Variants in PARL observed in about 807,000 individuals in gnomAD.
PARL encodes the protein presenilin associated rhomboid like, also known as presenilin-associated rhomboid-like protein, mitochondrial.
PARL carries 44 observed loss-of-function variants against 51.6 expected under a neutral mutation model. That is an observed-to-expected ratio of 0.85 (90% CI 0.67 to 1.10). PARL has a LOEUF of 1.10. Among genes scored for constraint, PARL ranks in the 50% least tolerant of loss-of-function variants. The probability of loss-of-function intolerance (pLI) is 0.00; values close to 1 mark genes in which losing one functional copy is unlikely to be tolerated. For synonymous variants in PARL, 172 were observed against 164.0 expected (o/e 1.05, Z -0.37); for missense variants, 441 against 469.5 (o/e 0.94, Z 0.56).
chr3:183,831,006 G>A (rs1356868089), intron 9 of PARL, among the ~76,000 whole-genome samples: 6 of 152,150 alleles, frequency 3.9e-5, no homozygotes, highest in South Asian at 4.2e-4. Flanking sequence ...AGACAGAGTC[G>A]CGCTCTGTTG....
At chr3:183,853,677 T>A (rs1001390656) in intron 4 of PARL, among the ~76,000 whole-genome samples, 1 of 152,100 alleles carries the variant, frequency 6.6e-6, no homozygotes, top group Non-Finnish European at 1.5e-5. Flanking sequence ...GAAAAGATGC[T>A]CAACATCACT....
intron 1 of PARL, among the ~76,000 whole-genome samples, chr3:183,882,324 TA>T (rs1734635784): frequency 2.2e-5 from 3 of 137,748 alleles, no homozygotes; most frequent in East Asian, 4.1e-4. Context: ...TACACACATA[TA>T]TACACATATA....
At chr3:183,873,594 C>A (rs1244483554) in intron 1 of PARL, among the ~76,000 whole-genome samples, 2 of 151,834 alleles carry the variant, frequency 1.3e-5, no homozygotes, top group Admixed American at 6.6e-5. Flanking sequence ...CAAGTTGTAA[C>A]CCAGTAATCT....
In PARL at chr3:183,829,353, C is replaced by A. The variant is rs988822021; in HGVS notation, c.*245G>T. On this transcript the variant is annotated 3_prime_UTR_variant, in exon 10 of 10. Coordinates refer to ENST00000317096, the MANE Select transcript of PARL (RefSeq NM_018622.7). ...AACAACCAAAGCAAAATGCCAGAGC[C>A]GTGTCGGCCCCTTAAAGAGAGAACA... is the stretch of plus-strand genomic sequence containing the variant. 7.4e-7 allele frequency: 1 copy of A among 1,346,502 alleles called. No homozygotes were observed. The highest frequency in any genetic ancestry group is 1.5e-5 in the African/African-American group (1 of 67,784). The allele number at this position is 1,346,502 out of a possible 1,614,324, so 83.4% of individuals were successfully genotyped here.
At chr3:183,832,258 G>A (rs184011984) in intron 9 of PARL, among the ~76,000 whole-genome samples, 22 of 148,446 alleles carry the variant, frequency 1.5e-4, no homozygotes, top group Admixed American at 2.7e-4. Flanking sequence ...TCACTTTGTC[G>A]CCCAGGCTGG....
downstream of PARL, among the ~76,000 whole-genome samples, chr3:183,827,540 T>C (rs887748831): frequency 6.6e-6 from 1 of 152,108 alleles, no homozygotes; most frequent in Non-Finnish European, 1.5e-5. Flanking sequence ...CAGGGTTGCT[T>C]TGGAGACCAG....
intron 7 of PARL, among the ~76,000 whole-genome samples, chr3:183,837,215 G>A (rs1038309129): frequency 6.6e-6 from 1 of 152,228 alleles, no homozygotes; most frequent in Non-Finnish European, 1.5e-5. Flanking sequence ...GTGAAAGGAA[G>A]AGAGAGGAAA....
chr3:183,852,561 G>A (rs1730672924), intron 4 of PARL, among the ~76,000 whole-genome samples: 1 of 152,006 alleles, frequency 6.6e-6, no homozygotes, highest in Non-Finnish European at 1.5e-5. Flanking sequence ...AAAAAGTCCT[G>A]GAAATAGATA....
intron 1 of PARL, among the ~76,000 whole-genome samples, chr3:183,876,610 TAAAAAAA>T (rs576376716): frequency 0.041 from 3,755 of 91,732 alleles, 196 homozygotes; most frequent in African/African-American, 0.17. Flanking sequence ...ATACATTTTG[TAAAAAAA>T]AAAAAAAAAA....
Position 183,829,536 on chromosome 3 carries a change from G to A in PARL, c.*62C>T, listed in dbSNP as rs780581786. ...GAGCATAGCCATGGTCACTCTAGCC[G>A]ATGTCTCCTGGGGCTCTCAGGCGGC... is the stretch of plus-strand genomic sequence containing the variant. On this transcript the variant is annotated 3_prime_UTR_variant, in exon 10 of 10. Transcript: ENST00000317096. 103 of 1,613,796 alleles carry A rather than the reference G, an allele frequency of 6.4e-5. No individual in the cohort carries two copies. Among genetic ancestry groups the A allele is most frequent in the South Asian group, 2.4e-4 (22 of 91,054 alleles).
At chr3:183,864,079 TC>T (rs1416034166) in intron 3 of PARL, among the ~76,000 whole-genome samples, 1 of 152,214 alleles carries the variant, frequency 6.6e-6, no homozygotes, top group Non-Finnish European at 1.5e-5. Flanking sequence ...AGTTTTACTA[TC>T]TTCTCAAATA....
intron 3 of PARL, among the ~76,000 whole-genome samples, chr3:183,863,322 G>A (rs928697761): frequency 2.0e-5 from 3 of 151,680 alleles, no homozygotes; most frequent in African/African-American, 7.3e-5. Flanking sequence ...CATGAAATAC[G>A]TCTAGAATTT....
intron 1 of PARL, among the ~76,000 whole-genome samples, chr3:183,870,763 G>A (rs532811657): frequency 2.2e-4 from 33 of 152,132 alleles, no homozygotes; most frequent in Non-Finnish European, 4.6e-4. Context: ...TCCTCCCTCT[G>A]CCACCTCAAA....
intron 1 of PARL, among the ~76,000 whole-genome samples, chr3:183,870,975 T>C (rs1394628116): frequency 6.6e-6 from 1 of 152,150 alleles, no homozygotes; most frequent in African/African-American, 2.4e-5. Context: ...TTTGCACTTC[T>C]AGAGTTCCAA....
rs1051456619 is a variant in PARL, at chr3:183,877,435, A to C, written c.125+7287T>G. On this transcript the variant is annotated intron_variant, in intron 1 of 9. Transcript: ENST00000317096. ...TTAGATTACATAAACCTAGCTGATAAAGCAGCAGCACGGTTTGAGAGGATT... is the reference window on the plus strand; with the variant it reads ...TTAGATTACATAAACCTAGCTGATACAGCAGCAGCACGGTTTGAGAGGATT... 2.6e-5 allele frequency among the ~76,000 whole-genome samples: 4 copies of C among 152,330 alleles called. 1 individual carries two copies. In the South Asian group the frequency reaches 8.3e-4, roughly 32 times the overall value.
At chr3:183,873,281 G>A (rs1469497894) in intron 1 of PARL, among the ~76,000 whole-genome samples, 1 of 152,166 alleles carries the variant, frequency 6.6e-6, no homozygotes, top group Non-Finnish European at 1.5e-5. Flanking sequence ...TGGGGTGGGA[G>A]GATCACCTGA....
chr3:183,826,694 A>C, downstream of PARL: 1 of 985,292 alleles, frequency 1.0e-6, no homozygotes. Flanking sequence ...GCCATGTCCC[A>C]GCAGGCAGCA....
intron 4 of PARL, among the ~76,000 whole-genome samples, chr3:183,852,777 C>T (rs982204648): frequency 6.6e-6 from 1 of 151,618 alleles, no homozygotes; most frequent in Non-Finnish European, 1.5e-5. Context: ...TTAAAAAATA[C>T]AAAAAAAATT....
chr3:183,862,637 ACTG>A, intron 4 of PARL, 113 bp downstream of exon 4: 1 of 788,860 alleles, frequency 1.3e-6, no homozygotes. Flanking sequence ...CAGTACAGAG[ACTG>A]TCTTCTAAAC....
Sources: allele counts gnomAD v4.1 joint callset (sites outside exome capture counted in the v4.1 genomes callset), GRCh38; gene constraint gnomAD v4.1.1; transcripts MANE v1.5; gene names NCBI Gene and HGNC (gene_info 2026-07-23, HGNC 2026-07-21).